The following DCC variants were observed in gnomAD, a reference collection of about 807,000 sequenced individuals.
The protein encoded by DCC is netrin receptor DCC.
Under a neutral mutation model 172.5 loss-of-function variants are expected in DCC, and 58 were observed. That is an observed-to-expected ratio of 0.34 (90% CI 0.27 to 0.42). The LOEUF (loss-of-function observed/expected upper bound fraction) is 0.42. Ranked by LOEUF, DCC falls within the 10% of genes least tolerant of loss-of-function variation. The probability of loss-of-function intolerance (pLI) is 1.00; values close to 1 mark genes in which losing one functional copy is unlikely to be tolerated. For missense variants in DCC, 1,740 were observed against 1,791.0 expected (o/e 0.97, Z 0.51); for synonymous variants, 709 against 644.5 (o/e 1.10, Z -1.52).
chr18:52,920,486 A>G (rs2040106494), intron 3 of DCC, among the ~76,000 whole-genome samples: 1 of 152,088 alleles, frequency 6.6e-6, no homozygotes, highest in Non-Finnish European at 1.5e-5. Context: ...TAAAACATCT[A>G]TTATATACCA....
At chr18:53,174,488 G>C (rs1178427626) in intron 8 of DCC, among the ~76,000 whole-genome samples, 1 of 148,596 alleles carries the variant, frequency 6.7e-6, no homozygotes, top group South Asian at 2.2e-4. Context: ...AAATGATAAA[G>C]GGGATATCAC....
intron 1 of DCC, among the ~76,000 whole-genome samples, chr18:52,512,648 C>T (rs944300078): frequency 1.3e-5 from 2 of 152,156 alleles, no homozygotes; most frequent in African/African-American, 4.8e-5. Flanking sequence ...TTCAGTCATA[C>T]ATACCATAGG....
intron 12 of DCC, among the ~76,000 whole-genome samples, chr18:53,275,683 A>T (rs1447914531): frequency 2.6e-5 from 4 of 152,074 alleles, no homozygotes; most frequent in Non-Finnish European, 5.9e-5. Flanking sequence ...ATCAAGCAGC[A>T]CTAGGAAATA....
intron 18 of DCC, among the ~76,000 whole-genome samples, chr18:53,400,165 A>C (rs891464256): frequency 6.6e-6 from 1 of 152,154 alleles, no homozygotes; most frequent in Non-Finnish European, 1.5e-5. Flanking sequence ...AGAGCAAACA[A>C]AGTACAGATT....
chr18:53,195,313 TA>T (rs1300708422), intron 9 of DCC, among the ~76,000 whole-genome samples: 6 of 152,218 alleles, frequency 3.9e-5, no homozygotes, highest in Admixed American at 1.3e-4. Flanking sequence ...TACTTGTACC[TA>T]AACTGAATTT....
At chr18:53,351,336 TGTATATATATATACAC>T (rs2057797044) in intron 15 of DCC, among the ~76,000 whole-genome samples, 1 of 9,210 alleles carries the variant, frequency 1.1e-4, no homozygotes, top group Non-Finnish European at 2.7e-4. Flanking sequence ...ATATATACAG[TGTATATATATATACAC>T]AGTATATATA....
chr18:52,648,768 G>A (rs915131216), intron 1 of DCC, among the ~76,000 whole-genome samples: 3 of 152,046 alleles, frequency 2.0e-5, no homozygotes, highest in African/African-American at 7.2e-5. Context: ...GCAAAAATAA[G>A]GAAATTTTAA....
chr18:52,768,807 C>G (rs1367848), intron 2 of DCC, among the ~76,000 whole-genome samples: 5,214 of 152,152 alleles, frequency 0.034, 128 homozygotes, highest in Admixed American at 0.049. Context: ...CCTCTTTATA[C>G]CTTGAAATAC....
At chr18:53,528,426 G>A (rs902061626) in intron 28 of DCC, among the ~76,000 whole-genome samples, 1 of 151,962 alleles carries the variant, frequency 6.6e-6, no homozygotes, top group Non-Finnish European at 1.5e-5. Flanking sequence ...AAGGTTTGTG[G>A]CCACATCTCA....
intron 5 of DCC, among the ~76,000 whole-genome samples, chr18:52,970,394 A>G (rs1343863967): frequency 6.6e-6 from 1 of 152,074 alleles, no homozygotes; most frequent in East Asian, 1.9e-4. Flanking sequence ...GGAGAAGCCT[A>G]TTTTCAGATG....
intron 1 of DCC, among the ~76,000 whole-genome samples, chr18:52,442,604 C>G (rs368773696): frequency 1.3e-5 from 2 of 152,140 alleles, no homozygotes; most frequent in Non-Finnish European, 1.5e-5. Context: ...TCTTTCTTAG[C>G]TTTCCCCAGT....
intron 15 of DCC, among the ~76,000 whole-genome samples, chr18:53,353,363 C>T (rs1447136943): frequency 6.6e-6 from 1 of 151,410 alleles, no homozygotes; most frequent in Non-Finnish European, 1.5e-5. Context: ...ACGTTATATT[C>T]AACAAGAAAA....
intron 15 of DCC, among the ~76,000 whole-genome samples, chr18:53,370,096 T>C (rs1226626565): frequency 6.6e-6 from 1 of 151,864 alleles, no homozygotes; most frequent in East Asian, 1.9e-4. Context: ...GGACTTTTAC[T>C]TGTTGGGGAA....
chr18:53,034,005 T>C (rs2042059631), intron 5 of DCC, among the ~76,000 whole-genome samples: 1 of 152,048 alleles, frequency 6.6e-6, no homozygotes, highest in Non-Finnish European at 1.5e-5. Flanking sequence ...CCTTTCAGTC[T>C]CATTTGCTAG....
intron 1 of DCC, among the ~76,000 whole-genome samples, chr18:52,368,616 T>C (rs1030062731): frequency 2.6e-5 from 4 of 152,182 alleles, no homozygotes; most frequent in African/African-American, 9.7e-5. Flanking sequence ...CCAGTGCTGA[T>C]GGGTGACTTT....
chr18:52,689,042 C>T (rs1460196), intron 1 of DCC, among the ~76,000 whole-genome samples: 15,471 of 152,034 alleles, frequency 0.1, 1,515 homozygotes, highest in African/African-American at 0.25. Flanking sequence ...CAGAAAGTAG[C>T]CTTATTAGAT....
chr18:52,664,682 A>G (rs868390133), intron 1 of DCC, among the ~76,000 whole-genome samples: 6 of 151,940 alleles, frequency 3.9e-5, no homozygotes, highest in Middle Eastern at 3.4e-3. Context: ...CGTGTTAGCC[A>G]GGATGGTCTC....
intron 15 of DCC, among the ~76,000 whole-genome samples, chr18:53,382,654 T>G (rs1051294167): frequency 6.6e-6 from 1 of 152,128 alleles, no homozygotes; most frequent in Non-Finnish European, 1.5e-5. Flanking sequence ...TCCAAGTACT[T>G]GGATCTCAAA....
intron 1 of DCC, among the ~76,000 whole-genome samples, chr18:52,677,708 T>C: frequency 6.6e-6 from 1 of 152,092 alleles, no homozygotes; most frequent in East Asian, 1.9e-4. Flanking sequence ...TTTCTTGCAT[T>C]TGCTTTCTGA....
Sources: gnomAD v4.1 joint callset for allele counts (sites outside exome capture counted in the v4.1 genomes callset) on GRCh38, gnomAD v4.1.1 for gene constraint, MANE v1.5 for transcripts, NCBI Gene and HGNC (gene_info 2026-07-23, HGNC 2026-07-21) for gene names.